NOL4L: variants seen among roughly 807,000 people sequenced by gnomAD.
The protein encoded by NOL4L is nucleolar protein 4-like.
In NOL4L, 7 loss-of-function variants were observed where a neutral mutation model predicts 64.5. That is an observed-to-expected ratio of 0.11 (90% CI 0.06 to 0.20). NOL4L has a LOEUF of 0.20. NOL4L is among the 10% of genes least tolerant of loss of function. NOL4L has a pLI of 1.00. For synonymous variants in NOL4L, 413 were observed against 401.0 expected, an observed-to-expected ratio of 1.03 and a Z score of -0.36; for missense variants, 680 against 967.1, an observed-to-expected ratio of 0.70 and a Z score of 3.94.
At chr20:32,553,107 C>G (rs573861293) in intron 1 of NOL4L, among the ~76,000 whole-genome samples, 1 of 152,138 alleles carries the variant, frequency 6.6e-6, no homozygotes, top group Non-Finnish European at 1.5e-5. Context: ...GTTTCAGCAC[C>G]GCCCCATTTC....
chr20:32,460,221 A>C lies in NOL4L; in HGVS notation c.842-3826T>G, dbSNP rs2013916756. Among the ~76,000 whole-genome samples, 1 of 152,244 alleles carries C rather than the reference A, an allele frequency of 6.6e-6. No individual in the cohort carries two copies. The highest frequency in any genetic ancestry group is 2.1e-4 in the South Asian group (1 of 4,834). ...ACATTTTACCACACACACAGAACCC[A>C]GACCAAAAACAGCCCCTTTGCCCTA... On this transcript the variant is annotated intron_variant, in intron 5 of 10. Transcript: ENST00000621426. This position sits in a 1 kb window ranked among gnomAD's most constrained non-coding sequence, Gnocchi z 5.7.
intron 10 of NOL4L, chr20:32,449,986 A>G (rs1272700188): frequency 6.6e-6 from 1 of 152,324 alleles, no homozygotes; most frequent in Non-Finnish European, 1.5e-5. Flanking sequence ...TGAGGCTTGG[A>G]AAGGAGAAGG....
At chr20:32,525,656 A>G (rs1482107472) in intron 2 of NOL4L, among the ~76,000 whole-genome samples, 3 of 152,156 alleles carry the variant, frequency 2.0e-5, no homozygotes, top group African/African-American at 7.2e-5. Context: ...GTGCAGTAGT[A>G]CAATCATAGC....
At chr20:32,532,454 C>T (rs762322003) in intron 1 of NOL4L, 47 of 777,916 alleles carry the variant, frequency 6.0e-5, no homozygotes, top group Non-Finnish European at 7.2e-5. Flanking sequence ...ACAGTAGTCA[C>T]GTGCCGCAGA....
At chr20:32,461,155 C>T (rs1023466480) in intron 5 of NOL4L, among the ~76,000 whole-genome samples, 6 of 152,234 alleles carry the variant, frequency 3.9e-5, no homozygotes, top group African/African-American at 7.2e-5. Flanking sequence ...ATGCCGGCTG[C>T]AGCCGCAAGG....
chr20:32,457,490 G>T (rs1008838911), intron 5 of NOL4L, among the ~76,000 whole-genome samples: 5 of 144,226 alleles, frequency 3.5e-5, no homozygotes, highest in Admixed American at 7.1e-5. Flanking sequence ...GGCAGATTAT[G>T]AAGATTTAGT....
At position 32,446,874 on chromosome 20, in the gene NOL4L, A is replaced by G. The variant is rs529419201; in HGVS notation, c.*722T>C. 81 of 231,618 alleles carry G rather than the reference A, an allele frequency of 3.5e-4. No individual in the cohort carries two copies. The highest frequency in any genetic ancestry group is 1.9e-3 in the African/African-American group (79 of 42,200). 14.3% of individuals were successfully genotyped at this position (231,618 alleles called of 1,614,324 possible). A position where few individuals can be genotyped will look rare whatever the true frequency, so the allele number is the denominator to read the frequency against. ...GGTGCCTCTTTTGTTTTGCTTTGCC[A>G]TGGGTGTGGGTGAGGTCCTCCTGCT... On this transcript the variant is annotated 3_prime_UTR_variant, in exon 11 of 11. Transcript: ENST00000621426.
intron 1 of NOL4L, among the ~76,000 whole-genome samples, chr20:32,554,073 C>T (rs1331944307): frequency 6.6e-6 from 1 of 152,154 alleles, no homozygotes; most frequent in African/African-American, 2.4e-5. Flanking sequence ...GTAATCCCAG[C>T]ACTTTGGGAG....
At chr20:32,577,667 G>A (rs891979575) in intron 1 of NOL4L, among the ~76,000 whole-genome samples, 4 of 152,100 alleles carry the variant, frequency 2.6e-5, no homozygotes, top group African/African-American at 7.2e-5. Flanking sequence ...GCAACAAAGC[G>A]ATAATCTGTC....
chr20:32,572,678 C>A (rs1279358572), intron 1 of NOL4L, among the ~76,000 whole-genome samples: 2 of 152,166 alleles, frequency 1.3e-5, no homozygotes, highest in Non-Finnish European at 2.9e-5. Context: ...TTTGGCTTGG[C>A]GCCGTCCCTC....
chr20:32,558,117 T>G (rs1462036050), intron 1 of NOL4L, among the ~76,000 whole-genome samples: 1 of 152,104 alleles, frequency 6.6e-6, no homozygotes, highest in Non-Finnish European at 1.5e-5. Context: ...AATAATAAAA[T>G]CTAGATTTCA....
At chr20:32,508,488 G>C (rs767814943) in intron 4 of NOL4L, among the ~76,000 whole-genome samples, 5 of 152,214 alleles carry the variant, frequency 3.3e-5, no homozygotes, top group Non-Finnish European at 4.4e-5. Context: ...TCATTGCTTT[G>C]CATGGAGTGC....
intron 5 of NOL4L, 136 bp downstream of exon 5, chr20:32,474,465 G>T: frequency 9.4e-7 from 1 of 1,059,422 alleles, no homozygotes; most frequent in Non-Finnish European, 1.3e-6. Flanking sequence ...GGCAGTGCAA[G>T]CTTGGGCCTG....
chr20:32,519,244 G>A (rs1026646830), intron 3 of NOL4L, among the ~76,000 whole-genome samples: 3 of 152,222 alleles, frequency 2.0e-5, no homozygotes, highest in African/African-American at 7.2e-5. Context: ...GCTCCCAAGG[G>A]CATGGAAGCC....
rs995635931 is a variant in NOL4L, at chr20:32,456,503, G to A, written c.842-108C>T. 1.0e-5 allele frequency: 12 copies of A among 1,161,804 alleles called. No individual in the cohort carries two copies. In the Admixed American group the frequency reaches 4.9e-4, roughly 48 times the overall value. The allele number at this position is 1,161,804 out of a possible 1,614,324, so 72.0% of individuals were successfully genotyped here. A position where few individuals can be genotyped will look rare whatever the true frequency, so the allele number is the denominator to read the frequency against. On this transcript the variant is annotated intron_variant, in intron 5 of 10. Transcript: ENST00000621426. ...CTCCTCATGAGTGTCCCTGGGTTGG[G>A]GTGAGTGCTGCTACCCCACCTCAGA...
intron 1 of NOL4L, among the ~76,000 whole-genome samples, chr20:32,581,474 C>T (rs953341493): frequency 3.3e-5 from 5 of 152,184 alleles, no homozygotes; most frequent in African/African-American, 7.2e-5. Flanking sequence ...ACCACAGCAC[C>T]GCATATGGCT....
At chr20:32,471,188 G>GC (rs1474209018) in intron 5 of NOL4L, among the ~76,000 whole-genome samples, 1 of 148,112 alleles carries the variant, frequency 6.8e-6, no homozygotes, top group African/African-American at 2.5e-5. Flanking sequence ...TGTGGCACCC[G>GC]CACAACTCAC....
chr20:32,562,428 G>A (rs556339669), intron 1 of NOL4L, among the ~76,000 whole-genome samples: 4 of 152,298 alleles, frequency 2.6e-5, no homozygotes, highest in South Asian at 4.1e-4. Context: ...CTAGAGGCCT[G>A]TGTGCTATGG....
At chr20:32,469,782 G>A (rs2014865768) in intron 5 of NOL4L, among the ~76,000 whole-genome samples, 1 of 152,214 alleles carries the variant, frequency 6.6e-6, no homozygotes, top group Non-Finnish European at 1.5e-5. Flanking sequence ...AGCCTGCAGG[G>A]GTCCCACACT....
Sources: allele counts gnomAD v4.1 joint callset (sites outside exome capture counted in the v4.1 genomes callset), GRCh38; gene constraint gnomAD v4.1.1; non-coding constraint Gnocchi (gnomAD v3.1); transcripts MANE v1.5; gene names NCBI Gene and HGNC (gene_info 2026-07-23, HGNC 2026-07-21).